Variants in POU6F2 observed in about 807,000 individuals in gnomAD.
The protein encoded by POU6F2 is POU class 6 homeobox 2, also known as POU domain, class 6, transcription factor 2.
In POU6F2, 31 loss-of-function variants were observed where a neutral mutation model predicts 71.3. The observed-to-expected ratio is 0.43, with a 90% CI of 0.33 to 0.59. The LOEUF (loss-of-function observed/expected upper bound fraction) is 0.59, where lower values mean the gene tolerates loss of function less well. Ranked by LOEUF, POU6F2 falls within the 20% of genes least tolerant of loss-of-function variation. The probability of loss-of-function intolerance (pLI) is 0.04; values close to 1 mark genes in which losing one functional copy is unlikely to be tolerated. For missense variants in POU6F2, 783 were observed against 856.8 expected, an observed-to-expected ratio of 0.91 and a Z score of 1.07; for synonymous variants, 347 against 355.7, an observed-to-expected ratio of 0.98 and a Z score of 0.27.
chr7:39,161,522 A>G lies in POU6F2; in HGVS notation c.278-42713A>G, dbSNP rs1160394726. Among the ~76,000 whole-genome samples, 4 of 152,172 alleles carry G rather than the reference A, an allele frequency of 2.6e-5. No individual in the cohort carries two copies. The East Asian group carries it at 7.7e-4, about 29-fold the overall frequency. On this transcript the variant is annotated intron_variant, in intron 2 of 9. Transcript: ENST00000518318. ...CCCTGCCAGGCAGATCCAGGCTGGT[A>G]TCTTTGTTTTATAGATGAGAAAATA...
intron 1 of POU6F2, among the ~76,000 whole-genome samples, chr7:39,003,703 C>T (rs900813820): frequency 6.0e-5 from 9 of 150,256 alleles, no homozygotes; most frequent in African/African-American, 2.0e-4. Context: ...GAGCCAAGAT[C>T]GCGCCACTGA....
chr7:39,393,598 C>T (rs541415517), intron 5 of POU6F2, among the ~76,000 whole-genome samples: 67 of 152,210 alleles, frequency 4.4e-4, no homozygotes, highest in East Asian at 7.7e-4. Flanking sequence ...TAAGGTTCAG[C>T]GGCAGACCAA....
Position 39,176,165 on chromosome 7 carries a change from C to A in POU6F2, c.278-28070C>A, listed in dbSNP as rs117779754. On this transcript the variant is annotated intron_variant, in intron 2 of 9. Coordinates refer to ENST00000518318, the MANE Select transcript of POU6F2 (RefSeq NM_001370959.1). ...CCTGCAGGCTCTTCTCCATGCAGGA[C>A]CCAGTCTCCTCTACCACCTGCTGTG... Among the ~76,000 whole-genome samples, 797 of 152,256 alleles carry A rather than the reference C, an allele frequency of 5.2e-3. 5 individuals carry two copies. The highest frequency in any genetic ancestry group is 7.6e-3 in the Non-Finnish European group (516 of 68,016).
chr7:39,269,405 T>C (rs1319982656), intron 4 of POU6F2, among the ~76,000 whole-genome samples: 1 of 152,254 alleles, frequency 6.6e-6, no homozygotes, highest in East Asian at 1.9e-4. Flanking sequence ...CTTGAAATGC[T>C]GCCTGGGACC....
intron 1 of POU6F2, among the ~76,000 whole-genome samples, chr7:39,061,482 G>T (rs1037841009): frequency 1.3e-5 from 2 of 152,028 alleles, no homozygotes; most frequent in African/African-American, 4.8e-5. Context: ...GACCTATTTT[G>T]CACTTTAAAT....
At chr7:39,447,407 G>C (rs2299124) in intron 7 of POU6F2, among the ~76,000 whole-genome samples, 2 of 152,112 alleles carry the variant, frequency 1.3e-5, no homozygotes, top group East Asian at 3.8e-4. Context: ...GGAGTTGAGA[G>C]GCAGCGGGGC....
chr7:39,306,868 C>A (rs1562784178), intron 4 of POU6F2, among the ~76,000 whole-genome samples: 1 of 152,214 alleles, frequency 6.6e-6, no homozygotes, highest in Non-Finnish European at 1.5e-5. Flanking sequence ...TGCCAGAGGA[C>A]CCTGTTTCCA....
At chr7:38,979,259 A>C (rs1259181749) in intron 1 of POU6F2, among the ~76,000 whole-genome samples, 1 of 152,150 alleles carries the variant, frequency 6.6e-6, no homozygotes, top group African/African-American at 2.4e-5. Context: ...AATGACATAA[A>C]ATTTGTTTGC....
intron 2 of POU6F2, among the ~76,000 whole-genome samples, chr7:39,089,978 G>T (rs1216689918): frequency 6.6e-6 from 1 of 151,784 alleles, no homozygotes; most frequent in East Asian, 1.9e-4. Flanking sequence ...ACTACATTGT[G>T]CATGAATTGG....
chr7:39,389,834 C>T lies in POU6F2; in HGVS notation c.973-16766C>T, dbSNP rs191410812. 2.3e-3 allele frequency among the ~76,000 whole-genome samples: 354 copies of T among 152,294 alleles called. 1 individual carries two copies. The highest frequency in any genetic ancestry group is 8.2e-3 in the African/African-American group (340 of 41,566). On this transcript the variant is annotated intron_variant, in intron 5 of 9. Transcript: ENST00000518318. Reference sequence around the variant, plus strand: ...AAGCCAGAATTGGGCAAGTCAGCCACAGATCCAGTTCAAACCCTATGACTT... The same window carrying T: ...AAGCCAGAATTGGGCAAGTCAGCCATAGATCCAGTTCAAACCCTATGACTT...
intron 4 of POU6F2, among the ~76,000 whole-genome samples, chr7:39,219,742 A>G (rs1418001093): frequency 2.6e-5 from 4 of 152,182 alleles, no homozygotes; most frequent in Admixed American, 6.5e-5. Context: ...AGAACACAGT[A>G]TGTTTGTCAT....
intron 2 of POU6F2, among the ~76,000 whole-genome samples, chr7:39,095,945 G>A (rs1237280560): frequency 4.6e-5 from 7 of 152,156 alleles, no homozygotes; most frequent in Admixed American, 1.3e-4. Context: ...TTGGAAATCT[G>A]TATTCATGCA....
chr7:39,185,851 G>GTA (rs1270401953), intron 2 of POU6F2, among the ~76,000 whole-genome samples: 79 of 48,142 alleles, frequency 1.6e-3, no homozygotes, highest in East Asian at 0.013. Context: ...ATATGTATAT[G>GTA]TATGTGTATA....
rs144994775 is a variant in POU6F2 at position 39,255,344 on chromosome 7, A to G, written c.598+47724A>G. On this transcript the variant is annotated intron_variant, in intron 4 of 9. Transcript: ENST00000518318. ...AAAACAGGAAAATTTAAATTATGAA[A>G]GTATTCCTGCCCAGAGTAGATGAGA... Among the ~76,000 whole-genome samples the G allele has an allele frequency of 3.9e-4, 60 of 152,350 alleles. 2 individuals are homozygous for G. In the East Asian group the frequency reaches 0.01, roughly 25 times the overall value.
At chr7:39,279,324 A>G (rs903438900) in intron 4 of POU6F2, among the ~76,000 whole-genome samples, 1 of 152,130 alleles carries the variant, frequency 6.6e-6, no homozygotes, top group Non-Finnish European at 1.5e-5. Flanking sequence ...GCATCTGCCT[A>G]GGGGTTGCCA....
At chr7:39,428,462 CAT>C (rs1219347333) in intron 6 of POU6F2, among the ~76,000 whole-genome samples, 3 of 152,190 alleles carry the variant, frequency 2.0e-5, no homozygotes, top group Non-Finnish European at 4.4e-5. Flanking sequence ...GGGGCAAAGA[CAT>C]AGAGGATCAT....
intron 4 of POU6F2, among the ~76,000 whole-genome samples, chr7:39,313,207 C>A (rs1785201427): frequency 6.6e-6 from 1 of 152,144 alleles, no homozygotes; most frequent in Admixed American, 6.6e-5. Flanking sequence ...AGCCTCACTT[C>A]CCTCCTCCTG....
At chr7:39,404,892 A>G (rs1277570022) in intron 5 of POU6F2, 3 of 152,212 alleles carry the variant, frequency 2.0e-5, no homozygotes, top group Admixed American at 6.5e-5. Context: ...CCTATCCTTT[A>G]AAGACATACT....
At chr7:39,396,264 T>TC (rs2115852375) in intron 5 of POU6F2, among the ~76,000 whole-genome samples, 1 of 152,312 alleles carries the variant, frequency 6.6e-6, no homozygotes, top group South Asian at 2.1e-4. Context: ...AGCTAGTTTT[T>TC]CCCTTCAACT....
Sources: allele counts gnomAD v4.1 joint callset (sites outside exome capture counted in the v4.1 genomes callset), GRCh38; gene constraint gnomAD v4.1.1; transcripts MANE v1.5; gene names NCBI Gene and HGNC (gene_info 2026-07-23, HGNC 2026-07-21).